MPHOSPH10: variants seen among roughly 807,000 people sequenced by gnomAD.
MPHOSPH10 encodes M-phase phosphoprotein 10.
In MPHOSPH10, 33 loss-of-function variants were observed where a neutral mutation model predicts 77.3. The ratio of observed to expected loss-of-function variants is 0.43; its 90% CI spans 0.32 to 0.57. The LOEUF is 0.57. Among genes scored for constraint, MPHOSPH10 ranks in the 20% least tolerant of loss-of-function variants. The pLI is 0.07. For missense variants in MPHOSPH10, 708 were observed against 780.1 expected (o/e 0.91, Z 1.10); for synonymous variants, 245 against 268.0 (o/e 0.91, Z 0.84).
chr2:71,133,840 T>C (rs1011038953), intron 2 of MPHOSPH10, 108 bp from the exon 3 acceptor site: 14 of 924,276 alleles, frequency 1.5e-5, no homozygotes, highest in African/African-American at 3.4e-5. Context: ...TGTAGTGTTA[T>C]TAAGTCAGAA....
chr2:71,145,508 G>GT (rs1553442395), intron 8 of MPHOSPH10, among the ~76,000 whole-genome samples: 1 of 108,778 alleles, frequency 9.2e-6, no homozygotes, highest in Non-Finnish European at 1.9e-5. Context: ...TTGTTTGTTT[G>GT]GTTTTTTTTT....
Position 71,144,505 on chromosome 2 carries a change from T to C in MPHOSPH10, c.1524T>C (p.Asp508=), listed in dbSNP as rs1673671448. The change falls in exon 8 of 11, where the codon GAT becomes GAC. Residue 508 remains aspartate (D), a synonymous_variant. Transcript: ENST00000244230. ...TGGATTCCCTCTTCTTAAAATTGGA[T>C]GCCCTCTCAAACTTCCACTTTATCC... is the stretch of plus-strand genomic sequence containing the variant. ...KMMDSLFLKL[D]ALSNFHFIPK... 6.2e-7 allele frequency: 1 copy of C among 1,614,018 alleles called. No homozygotes were observed. Among genetic ancestry groups the C allele is most frequent in the African/African-American group, 1.3e-5 (1 of 74,950 alleles).
rs753716098 is a variant in MPHOSPH10 at position 71,134,666 on chromosome 2, C to A, written c.967C>A (p.Gln323Lys). 6 of 1,609,684 alleles carry A rather than the reference C, an allele frequency of 3.7e-6. No homozygotes were observed. Among genetic ancestry groups the A allele is most frequent in the Non-Finnish European group, 5.1e-6 (6 of 1,178,668 alleles). Residue 323 changes from glutamine to lysine, a missense_variant, in exon 4 of 11, where the codon CAA (glutamine) becomes AAA (lysine). Transcript: ENST00000244230. ...CCTTCAAGAAAATGAAGACAATAAA[C>A]AACATAAAGAAAGCTTGAAAAGAGT... ...DDLQENEDNK[Q>K]HKESLKRVTF...
At position 71,149,312 on chromosome 2, in the gene MPHOSPH10, G is replaced by A. The variant is rs749083026; in HGVS notation, c.1755G>A (p.Lys585=). Residue 585 remains lysine, a synonymous_variant, in exon 10 of 11, where the codon AAG becomes AAA. Transcript: ENST00000244230. ...AGCGAAGGAAAAAGAAATATCAAAA[G>A]CGTATGAAAATAAAAGAGAAGGAGA... ...KRERRKKKYQ[K]RMKIKEKEKR... The A allele has an allele frequency of 6.2e-7, 1 of 1,612,202 alleles. No homozygotes were observed. The highest frequency in any genetic ancestry group is 1.1e-5 in the South Asian group (1 of 90,664).
At chr2:71,137,511 TAGTC>T (rs1449153210) in intron 4 of MPHOSPH10, among the ~76,000 whole-genome samples, 1 of 151,818 alleles carries the variant, frequency 6.6e-6, no homozygotes, top group Non-Finnish European at 1.5e-5. Context: ...ATACAAAAAT[TAGTC>T]AGGCGTGGTT....
In MPHOSPH10 at chr2:71,145,224, G is replaced by T. The variant is rs188853032; in HGVS notation, c.1557+686G>T. 7.7e-4 allele frequency among the ~76,000 whole-genome samples: 117 copies of T among 152,214 alleles called. 1 individual carries two copies. Among genetic ancestry groups the T allele is most frequent in the Admixed American group, 2.0e-3 (31 of 15,298 alleles). Reference sequence around the variant, plus strand: ...TTCTGTGAACCCATAAAACATGCTTGTACCATCCTTTGGTACTTGTTCACC... The same window carrying T: ...TTCTGTGAACCCATAAAACATGCTTTTACCATCCTTTGGTACTTGTTCACC... On this transcript the variant is annotated intron_variant, in intron 8 of 10. Transcript: ENST00000244230.
In MPHOSPH10 at chr2:71,133,935, C is replaced by A. The variant is rs749013484; in HGVS notation, c.769-13C>A. ...ATCCCTAATTAATAGTTTTTAATAT[C>A]TTTTTATTTTAGTCAGGTAAAAGTT... On this transcript the variant is annotated splice_polypyrimidine_tract_variant and intron_variant, in intron 2 of 10. Coordinates refer to ENST00000244230, the MANE Select transcript of MPHOSPH10 (RefSeq NM_005791.3). The A allele has an allele frequency of 6.1e-6, 9 of 1,484,558 alleles. No homozygotes were observed. The East Asian group carries it at 1.2e-4, about 19-fold the overall frequency. 92.0% of individuals were successfully genotyped at this position (1,484,558 alleles called of 1,614,324 possible). A position where few individuals can be genotyped will look rare whatever the true frequency, so the allele number is the denominator to read the frequency against.
chr2:71,139,554 T>G (rs1041115937), intron 5 of MPHOSPH10: 14 of 342,540 alleles, frequency 4.1e-5, no homozygotes, highest in African/African-American at 3.0e-4. Context: ...GTATTAGCAC[T>G]TACTACCATA....
chr2:71,149,998 C>T lies in MPHOSPH10; in HGVS notation c.2029C>T (p.His677Tyr). The stretch of plus-strand genomic sequence containing the variant: ...GAAGAAAAGACAGGATATTTCTGTT[C>T]ATAAATTAAAGCTGTAATATATTTT... ...KKKKRQDISV[H>Y]KLKL is the part of the protein sequence containing the mutation. Residue 677 changes from histidine to tyrosine, a missense_variant, in exon 11 of 11, where the codon CAT becomes TAT. By Grantham distance (83) the His-to-Tyr change is moderately conservative. This residue lies in a region of MPHOSPH10 where 263 missense variants were observed against 320.0 expected (regional missense o/e 0.82). Coordinates refer to ENST00000244230, the MANE Select transcript of MPHOSPH10 (RefSeq NM_005791.3). 2 of 1,369,238 alleles carry T rather than the reference C, an allele frequency of 1.5e-6. No individual in the cohort carries two copies. The highest frequency in any genetic ancestry group is 2.0e-6 in the Non-Finnish European group (2 of 998,298). The allele number at this position is 1,369,238 out of a possible 1,614,324, so 84.8% of individuals were successfully genotyped here. A position where few individuals can be genotyped will look rare whatever the true frequency, so the allele number is the denominator to read the frequency against.
chr2:71,149,513 G>A (rs1673779372), intron 10 of MPHOSPH10, 60 bp downstream of exon 10: 1 of 1,468,842 alleles, frequency 6.8e-7, no homozygotes, highest in Non-Finnish European at 9.4e-7. Flanking sequence ...TGGATAGCAA[G>A]TGCTGGGTGA....
Position 71,130,639 on chromosome 2 carries a change from G to C in MPHOSPH10, c.-27G>C. ...GGGCGGCTCCCTTCCCTTGCATGCT[G>C]CATTGTGTCGGGAGTTGCTGACAGC... On this transcript the variant is annotated 5_prime_UTR_variant, in exon 1 of 11. Coordinates refer to ENST00000244230, the MANE Select transcript of MPHOSPH10 (RefSeq NM_005791.3). The C allele has an allele frequency of 1.3e-6, 2 of 1,595,266 alleles. No homozygotes were observed. The highest frequency in any genetic ancestry group is 1.1e-5 in the South Asian group (1 of 89,118).
At chr2:71,140,222 T>C (rs138719326) in intron 6 of MPHOSPH10, among the ~76,000 whole-genome samples, 10 of 152,312 alleles carry the variant, frequency 6.6e-5, no homozygotes, top group Admixed American at 1.3e-4. Context: ...TCCTAGTCTT[T>C]TTTCTGTTAC....
intron 8 of MPHOSPH10, 43 bp downstream of exon 8, chr2:71,144,581 C>A (rs1442304144): frequency 7.1e-7 from 1 of 1,408,210 alleles, no homozygotes; most frequent in Admixed American, 1.8e-5. Context: ...AGCAGGGTGA[C>A]CTTCATAGCT....
chr2:71,131,055 C>T (rs1380416124), intron 1 of MPHOSPH10, among the ~76,000 whole-genome samples: 1 of 152,156 alleles, frequency 6.6e-6, no homozygotes, highest in Non-Finnish European at 1.5e-5. Flanking sequence ...TTGGTTTCTC[C>T]TTCCTCCTAT....
In MPHOSPH10 at chr2:71,133,288, G is replaced by C. The variant is rs115136870; in HGVS notation, c.480G>C (p.Leu160=). 6.2e-7 allele frequency: 1 copy of C among 1,614,016 alleles called. No homozygotes were observed. Among genetic ancestry groups the C allele is most frequent in the East Asian group, 2.2e-5 (1 of 44,886 alleles). ...ERAENSSKSD[L]RKSPVFSDED... ...CTGAAAACTCAAGCAAATCTGATCTGAGGAAAAGCCCCGTTTTCAGTGATG... is the reference window on the plus strand; with the variant it reads ...CTGAAAACTCAAGCAAATCTGATCTCAGGAAAAGCCCCGTTTTCAGTGATG... Residue 160 remains leucine, a synonymous_variant, in exon 2 of 11, where the codon CTG becomes CTC. Coordinates refer to ENST00000244230, the MANE Select transcript of MPHOSPH10 (RefSeq NM_005791.3).
At chr2:71,139,954 T>C in intron 6 of MPHOSPH10, 92 bp downstream of exon 6, 3 of 897,752 alleles carry the variant, frequency 3.3e-6, no homozygotes, top group Non-Finnish European at 5.2e-6. Flanking sequence ...TATTGCTTTT[T>C]ATTTTCACTT....
At position 71,139,827 on chromosome 2, in the gene MPHOSPH10, C is replaced by A. The variant is rs3732240; in HGVS notation, c.1273C>A (p.Leu425Met). Residue 425 changes from leucine to methionine, a missense_variant, in exon 6 of 11, where the codon CTG (leucine) becomes ATG (methionine). Around this residue, in one of 3 missense-constraint regions of MPHOSPH10, gnomAD observed 263 missense variants for 320.0 expected, o/e 0.82. Transcript: ENST00000244230. ...PVITEETTLQ[L>M]EDIIKQRIRD... ...GATTACAGAGGAAACCACCCTTCAA[C>A]TGGAAGATATCATTAAACAGAGGAT... 0.031 allele frequency: 49,625 copies of A among 1,607,824 alleles called. 4,443 individuals carry two copies. The East Asian group carries it at 0.39, about 13-fold the overall frequency.
intron 4 of MPHOSPH10, among the ~76,000 whole-genome samples, chr2:71,136,790 A>C (rs1323380642): frequency 6.6e-6 from 1 of 152,082 alleles, no homozygotes; most frequent in Non-Finnish European, 1.5e-5. Flanking sequence ...AAGTTTCAAT[A>C]AATCAAAAAT....
intron 8 of MPHOSPH10, among the ~76,000 whole-genome samples, chr2:71,144,800 C>T (rs1260084505): frequency 1.3e-5 from 2 of 152,160 alleles, no homozygotes; most frequent in African/African-American, 2.4e-5. Context: ...TTTTAACTTA[C>T]CTCACACTTT....
Sources: gnomAD v4.1 joint callset for allele counts (sites outside exome capture counted in the v4.1 genomes callset) on GRCh38, gnomAD v4.1.1 for gene constraint, gnomAD v4.1.1 regional missense constraint, MANE v1.5 for transcripts, NCBI Gene and HGNC (gene_info 2026-07-23, HGNC 2026-07-21) for gene names.